The following ATP9A variants were observed in gnomAD, a reference collection of about 807,000 sequenced individuals.
ATP9A encodes the protein probable phospholipid-transporting ATPase IIA.
ATP9A carries 52 observed loss-of-function variants against 144.1 expected under a neutral mutation model. The ratio of observed to expected loss-of-function variants is 0.36; its 90% CI spans 0.29 to 0.45. The LOEUF (loss-of-function observed/expected upper bound fraction) is 0.45. ATP9A is among the 20% of genes least tolerant of loss of function. The pLI is 1.00. For missense variants in ATP9A, 947 were observed against 1,392.7 expected (o/e 0.68, Z 5.09); for synonymous variants, 582 against 557.4 (o/e 1.04, Z -0.62).
chr20:51,689,528 A>C (rs938115153), intron 8 of ATP9A, among the ~76,000 whole-genome samples: 6 of 148,042 alleles, frequency 4.1e-5, no homozygotes, highest in African/African-American at 1.5e-4. Context: ...CTGTTGACCC[A>C]TATTCCTAAA....
chr20:51,665,759 A>C (rs1281744248), intron 13 of ATP9A, among the ~76,000 whole-genome samples: 2 of 116,164 alleles, frequency 1.7e-5, no homozygotes, highest in Non-Finnish European at 4.0e-5. Flanking sequence ...TAAATGAATA[A>C]CCCAGGGGAA....
chr20:51,708,309 T>A (rs1256940738), intron 4 of ATP9A, among the ~76,000 whole-genome samples: 47 of 143,224 alleles, frequency 3.3e-4, no homozygotes, highest in Non-Finnish European at 2.4e-4. Context: ...AAAAAAAAAA[T>A]GATACACCTT....
At chr20:51,670,301 T>C (rs1490876491) in intron 12 of ATP9A, among the ~76,000 whole-genome samples, 192 bp from the exon 13 acceptor site, 2 of 152,184 alleles carry the variant, frequency 1.3e-5, no homozygotes, top group Non-Finnish European at 2.9e-5. Flanking sequence ...AATGGCTTCC[T>C]AGCTTTCCCA....
chr20:51,700,856 G>A (rs1023250546), intron 4 of ATP9A, among the ~76,000 whole-genome samples: 3 of 152,074 alleles, frequency 2.0e-5, no homozygotes, highest in African/African-American at 4.8e-5. Context: ...GAGAGGGAGC[G>A]AAAGAAAGAG....
intron 4 of ATP9A, among the ~76,000 whole-genome samples, chr20:51,706,019 G>A (rs531450634): frequency 2.0e-5 from 3 of 152,306 alleles, no homozygotes; most frequent in Admixed American, 6.5e-5. Context: ...TTGTAAGTAG[G>A]AGGAAAGGGA....
rs1410980744 is a variant in ATP9A at position 51,709,228 on chromosome 20, A to G, written c.436+3738T>C. 2.6e-5 allele frequency among the ~76,000 whole-genome samples: 4 copies of G among 152,166 alleles called. 1 individual carries two copies. Among genetic ancestry groups the G allele is most frequent in the Admixed American group, 2.6e-4 (4 of 15,264 alleles). ...GGGGAAACAAAAGTATTAAAAAGCAACTGTGGCCAGGCACAGTGGCTCACA... is the reference window on the plus strand; with the variant it reads ...GGGGAAACAAAAGTATTAAAAAGCAGCTGTGGCCAGGCACAGTGGCTCACA... On this transcript the variant is annotated intron_variant, in intron 4 of 27. Transcript: ENST00000338821.
chr20:51,607,623 G>T lies in ATP9A; in HGVS notation c.2746-39C>A, dbSNP rs567449180. On this transcript the variant is annotated intron_variant, in intron 25 of 27. Transcript: ENST00000338821. ...AGAGAAAGGTTAGAGCCGGTTTCGC[G>T]GGGGGCTCACGCAGCATGCCATCAG... 13 of 1,519,766 alleles carry T rather than the reference G, an allele frequency of 8.6e-6. No individual in the cohort carries two copies. The African/African-American group carries it at 1.5e-4, about 18-fold the overall frequency. 94.1% of individuals were successfully genotyped at this position (1,519,766 alleles called of 1,614,324 possible).
At chr20:51,672,532 T>C (rs2077460344) in intron 11 of ATP9A, among the ~76,000 whole-genome samples, 1 of 152,176 alleles carries the variant, frequency 6.6e-6, no homozygotes, top group Non-Finnish European at 1.5e-5. Flanking sequence ...GAATCCACCA[T>C]CCAGAGCATG....
At chr20:51,665,289 G>A (rs898060700) in intron 13 of ATP9A, among the ~76,000 whole-genome samples, 2 of 152,092 alleles carry the variant, frequency 1.3e-5, no homozygotes, top group Non-Finnish European at 2.9e-5. Context: ...TTCTTTTTAG[G>A]GTTGATAAAA....
At chr20:51,685,930 G>T (rs902659840) in intron 9 of ATP9A, among the ~76,000 whole-genome samples, 1 of 152,050 alleles carries the variant, frequency 6.6e-6, no homozygotes, top group Non-Finnish European at 1.5e-5. Flanking sequence ...TGTTTATTGC[G>T]GCACTATTCA....
intron 17 of ATP9A, 114 bp downstream of exon 17, chr20:51,627,486 A>G: frequency 2.1e-6 from 2 of 938,362 alleles, no homozygotes; most frequent in South Asian, 1.5e-5. Context: ...CAGTGAACCC[A>G]GTGTGCCCAG....
At chr20:51,636,044 C>G (rs1233808677) in intron 15 of ATP9A, among the ~76,000 whole-genome samples, 1 of 152,102 alleles carries the variant, frequency 6.6e-6, no homozygotes, top group Non-Finnish European at 1.5e-5. Context: ...CACATACATA[C>G]CTATGATAAA....
chr20:51,712,229 T>C (rs559261841), intron 4 of ATP9A, among the ~76,000 whole-genome samples: 11 of 152,098 alleles, frequency 7.2e-5, no homozygotes, highest in East Asian at 3.9e-4. Flanking sequence ...CCCGCCACCA[T>C]GCCCGGCTAA....
chr20:51,623,801 A>AAAAAGAAAGAAAGAAAGAAAG (rs558189054), intron 18 of ATP9A, among the ~76,000 whole-genome samples: 173 of 133,408 alleles, frequency 1.3e-3, no homozygotes, highest in African/African-American at 4.8e-3. Context: ...AAAAAAAAAA[A>AAAAAGAAAGAAAGAAAGAAAG]AAAGAAAGAA....
At chr20:51,647,239 T>C (rs548824148) in intron 14 of ATP9A, among the ~76,000 whole-genome samples, 27 of 152,146 alleles carry the variant, frequency 1.8e-4, no homozygotes, top group African/African-American at 5.3e-4. Context: ...CTTCCTAAAA[T>C]GTGATCATTA....
At chr20:51,680,091 G>A (rs1398166365) in intron 9 of ATP9A, among the ~76,000 whole-genome samples, 6 of 151,986 alleles carry the variant, frequency 3.9e-5, no homozygotes, top group Admixed American at 1.3e-4. Flanking sequence ...TTATACAGGC[G>A]TGGTGATGGG....
At chr20:51,753,532 G>A (rs139301267) in intron 1 of ATP9A, among the ~76,000 whole-genome samples, 45 of 152,198 alleles carry the variant, frequency 3.0e-4, no homozygotes, top group Non-Finnish European at 2.8e-4. Context: ...CAATGTACAC[G>A]CAGAAACAAA....
intron 9 of ATP9A, among the ~76,000 whole-genome samples, chr20:51,685,123 A>G (rs1363830951): frequency 2.0e-5 from 3 of 152,218 alleles, no homozygotes; most frequent in African/African-American, 7.2e-5. Context: ...AATTTGTTCA[A>G]TGTCTATCAC....
At chr20:51,743,611 GCTGGT>G (rs1346618684) in intron 1 of ATP9A, among the ~76,000 whole-genome samples, 6 of 149,614 alleles carry the variant, frequency 4.0e-5, no homozygotes, top group Non-Finnish European at 6.0e-5. Flanking sequence ...TATTGGTCAG[GCTGGT>G]CTGGTCTTGA....
Sources: gnomAD v4.1 joint callset for allele counts (sites outside exome capture counted in the v4.1 genomes callset) on GRCh38, gnomAD v4.1.1 for gene constraint, MANE v1.5 for transcripts, NCBI Gene and HGNC (gene_info 2026-07-23, HGNC 2026-07-21) for gene names.